Variants in CPT1B observed in about 807,000 individuals in gnomAD.
The protein encoded by CPT1B is carnitine palmitoyltransferase 1B, also known as carnitine O-palmitoyltransferase 1, muscle isoform.
CPT1B carries 57 observed loss-of-function variants against 92.7 expected under a neutral mutation model. The ratio of observed to expected loss-of-function variants is 0.62; its 90% confidence interval spans 0.50 to 0.77. The LOEUF (loss-of-function observed/expected upper bound fraction) is 0.77, where lower values mean the gene tolerates loss of function less well. Among genes scored for constraint, CPT1B ranks in the 30% least tolerant of loss-of-function variants. The pLI, the probability that CPT1B is intolerant of heterozygous loss-of-function variation, is 0.00. For missense variants in CPT1B, 983 were observed against 1,017.4 expected (o/e 0.97, Z 0.46); for synonymous variants, 398 against 383.5 (o/e 1.04, Z -0.44).
intron 7 of CPT1B, chr22:50,574,887 CA>C: frequency 5.3e-6 from 2 of 380,408 alleles, no homozygotes; most frequent in South Asian, 6.7e-5. Context: ...ACTGCAGCCT[CA>C]AATTACTCGC....
chr22:50,574,054 G>T (rs1365950048), intron 9 of CPT1B: 2 of 676,548 alleles, frequency 3.0e-6, no homozygotes, highest in East Asian at 5.5e-5. Flanking sequence ...CTCCTCTGCC[G>T]GCTCCATGGC....
At position 50,577,439 on chromosome 22, in the gene CPT1B, G is replaced by A. The variant is rs1349510936; in HGVS notation, c.166C>T (p.Pro56Ser). The A allele has an allele frequency of 1.9e-6, 3 of 1,613,810 alleles. No individual in the cohort carries two copies. Among genetic ancestry groups the A allele is most frequent in the Non-Finnish European group, 1.7e-6 (2 of 1,179,998 alleles). Reference protein sequence around the residue: ...IKNGILRGVYPGSPTSWLVVI... With the variant: ...IKNGILRGVYSGSPTSWLVVI... Reference sequence around the variant, plus strand: ...ACCAGCCAGCTGGTGGGGCTGCCAGGGTACACGCCCCTGAGGATGCCATTC... The same window carrying A: ...ACCAGCCAGCTGGTGGGGCTGCCAGAGTACACGCCCCTGAGGATGCCATTC... The change falls in exon 3 of 20, where the codon CCT (proline) becomes TCT (serine). Residue 56 changes from proline (P) to serine (S), a missense_variant. Physicochemically the swap from Pro to Ser is moderately conservative, Grantham distance 74. Coordinates refer to ENST00000312108, the MANE Select transcript of CPT1B (RefSeq NM_152246.3).
At position 50,572,937 on chromosome 22, in the gene CPT1B, G is replaced by A. The variant is rs774982593; in HGVS notation, c.1290C>T (p.Pro430=). Residue 430 remains proline, a synonymous_variant, in exon 11 of 20, where the codon CCC becomes CCT. Transcript: ENST00000312108. The stretch of plus-strand genomic sequence containing the variant: ...AGAGGCTGAGGCTGGCCTCATCTTC[G>A]GGGTCATAGGAGTAGGATTCCTCAT... ...ALDEESYSYD[P]EDEASLSLYG... 6.8e-5 allele frequency: 109 copies of A among 1,613,562 alleles called. No individual in the cohort carries two copies. The East Asian group carries it at 1.7e-3, about 25-fold the overall frequency.
rs1423058127 is a variant in CPT1B, at chr22:50,574,555, C to A, written c.823G>T (p.Gly275Ter). ...KNTDVQAARLGNIIHAMIMYR... is the reference protein window; with the variant it reads ...KNTDVQAARL ...ATGATCATGGCGTGGATGATGTTTC[C>A]CAGGCGGGCTGCCTGCACGTCTGTA... Residue 275 changes from glycine to a stop codon, truncating the protein, a stop_gained, in exon 8 of 20, where the codon GGA (glycine) becomes TGA (stop). Coordinates refer to ENST00000312108, the MANE Select transcript of CPT1B (RefSeq NM_152246.3). LOFTEE classifies it high-confidence loss of function. 4.3e-6 allele frequency: 7 copies of A among 1,614,092 alleles called. 1 individual carries two copies. In the South Asian group the frequency reaches 7.7e-5, roughly 18 times the overall value.
intron 8 of CPT1B, 26 bp downstream of exon 8, chr22:50,574,467 C>T (rs2070339947): frequency 6.2e-7 from 1 of 1,613,952 alleles, no homozygotes; most frequent in African/African-American, 1.3e-5. Context: ...CCCTCCCATC[C>T]CACCTTCAAC....
In CPT1B at chr22:50,577,440, G is replaced by T. The variant is rs765086648; in HGVS notation, c.165C>A (p.Tyr55Ter). The change falls in exon 3 of 20, where the codon TAC becomes TAA. Residue 55 changes from tyrosine (Y) to a stop codon, truncating the protein, a stop_gained. Coordinates refer to ENST00000312108, the MANE Select transcript of CPT1B (RefSeq NM_152246.3). LOFTEE classifies it high-confidence loss of function. ...CCAGCCAGCTGGTGGGGCTGCCAGG[G>T]TACACGCCCCTGAGGATGCCATTCT... ...RIKNGILRGV[Y>*]PGSPTSWLVV... 1 of 1,613,678 alleles carries T rather than the reference G, an allele frequency of 6.2e-7. No homozygotes were observed. The highest frequency in any genetic ancestry group is 1.3e-5 in the African/African-American group (1 of 74,948).
intron 16 of CPT1B, 123 bp downstream of exon 16, chr22:50,570,768 A>G: frequency 1.2e-5 from 16 of 1,346,936 alleles, no homozygotes; most frequent in Non-Finnish European, 1.5e-5. Flanking sequence ...AAGCTGGCCC[A>G]GCACTCCAGG....
At chr22:50,571,953 T>A (rs1191360779) in intron 13 of CPT1B, 53 bp downstream of exon 13, 2 of 1,535,424 alleles carry the variant, frequency 1.3e-6, no homozygotes, top group Non-Finnish European at 1.8e-6. Context: ...GTCGGGGCTG[T>A]ACCCACCTGC....
In CPT1B at chr22:50,573,428, CT is replaced by C; in HGVS notation, c.1166+91del. 1 of 1,186,534 alleles carries C rather than the reference CT, an allele frequency of 8.4e-7. No individual in the cohort carries two copies. The highest frequency in any genetic ancestry group is 1.2e-6 in the Non-Finnish European group (1 of 846,206). 73.5% of individuals were successfully genotyped at this position (1,186,534 alleles called of 1,614,324 possible). On this transcript the variant is annotated intron_variant, in intron 10 of 19. Transcript: ENST00000312108. The surrounding 1 kb of genome is among the most constrained non-coding windows in gnomAD (Gnocchi z 5.0). Reference sequence around the variant, plus strand: ...CCCCTCCCCTAGTTGTGCCTCCAGCCTCCAGTTCCAGGGTGGCAGGCAGGGC... The same window carrying C: ...CCCCTCCCCTAGTTGTGCCTCCAGCCCCAGTTCCAGGGTGGCAGGCAGGGC...
chr22:50,577,381 CAGA>C lies in CPT1B; in HGVS notation c.221_223del (p.Phe74del). The stretch of plus-strand genomic sequence containing the variant: ...CAGCCCCAAGGAGATGTCCACGTTG[CAGA>C]AGGAGGAACCCACTGTTGCCATGAT... On this transcript the variant is annotated inframe_deletion, in exon 3 of 20. Transcript: ENST00000312108. 4 of 1,613,984 alleles carry C rather than the reference CAGA, an allele frequency of 2.5e-6. No homozygotes were observed. The highest frequency in any genetic ancestry group is 3.4e-6 in the Non-Finnish European group (4 of 1,180,010).
At chr22:50,575,583 A>C (rs1190533607) in intron 7 of CPT1B, among the ~76,000 whole-genome samples, 1 of 152,214 alleles carries the variant, frequency 6.6e-6, no homozygotes, top group Non-Finnish European at 1.5e-5. Flanking sequence ...GGGCAGAGGC[A>C]GACTGACTTC....
In CPT1B at chr22:50,569,604, A is replaced by T; in HGVS notation, c.2207T>A (p.Ile736Asn). The T allele has an allele frequency of 6.2e-7, 1 of 1,613,994 alleles. No homozygotes were observed. Among genetic ancestry groups the T allele is most frequent in the Non-Finnish European group, 8.5e-7 (1 of 1,179,998 alleles). The stretch of plus-strand genomic sequence containing the variant: ...CTCTGAGCTTGAGAACTTGCTGGAG[A>T]TGTGGAAGAAGATCGTGTTCTCGCC... ...IAGENTIFFH[I>N]SSKFSSSETN... The change falls in exon 18 of 20, where the codon ATC (isoleucine) becomes AAC (asparagine). Residue 736 changes from isoleucine (I) to asparagine (N), a missense_variant. Ile to Asn is a moderately radical substitution (Grantham distance 149). Coordinates refer to ENST00000312108, the MANE Select transcript of CPT1B (RefSeq NM_152246.3).
At position 50,571,262 on chromosome 22, in the gene CPT1B, C is replaced by T; in HGVS notation, c.1771G>A (p.Ala591Thr). The T allele has an allele frequency of 1.2e-6, 2 of 1,613,984 alleles. No individual in the cohort carries two copies. The highest frequency in any genetic ancestry group is 1.7e-6 in the Non-Finnish European group (2 of 1,180,028). Residue 591 changes from alanine (A) to threonine (T), a missense_variant, in exon 15 of 20, where the codon GCC (alanine) becomes ACC (threonine). Ala to Thr is a moderately conservative substitution (Grantham distance 58). Coordinates refer to ENST00000312108, the MANE Select transcript of CPT1B (RefSeq NM_152246.3). Reference sequence around the variant, plus strand: ...TCCCGGAACATTCTGGTCATTGAGGCCTCATAGGTCAGGCAGAACTTACCC... The same window carrying T: ...TCCCGGAACATTCTGGTCATTGAGGTCTCATAGGTCAGGCAGAACTTACCC... The part of the protein sequence containing the change: ...DRGKFCLTYE[A>T]SMTRMFREGR...
intron 11 of CPT1B, 133 bp from the exon 12 acceptor site, chr22:50,572,441 G>A (rs971217900): frequency 1.6e-6 from 1 of 638,628 alleles, no homozygotes; most frequent in Non-Finnish European, 2.7e-6. Flanking sequence ...TTTTTAAATT[G>A]AGATGGAATC....
rs778133529 is a variant in CPT1B at position 50,574,484 on chromosome 22, G to A, written c.885+9C>T. 33 of 1,613,684 alleles carry A rather than the reference G, an allele frequency of 2.0e-5. No individual in the cohort carries two copies. Among genetic ancestry groups the A allele is most frequent in the Non-Finnish European group, 2.8e-5 (33 of 1,179,758 alleles). On this transcript the variant is annotated intron_variant, in intron 8 of 19. Transcript: ENST00000312108. ...CTCCCATCCCACCTTCAACCCTGACGCAACTCACAGGCTTGATTTCTTCAC... is the reference window on the plus strand; with the variant it reads ...CTCCCATCCCACCTTCAACCCTGACACAACTCACAGGCTTGATTTCTTCAC...
chr22:50,577,985 C>T, intron 1 of CPT1B, 51 bp from the exon 2 acceptor site: 4 of 1,405,294 alleles, frequency 2.8e-6, no homozygotes, highest in Non-Finnish European at 3.8e-6. Context: ...GGCCCCGCCG[C>T]CAGCCGCGCC....
intron 16 of CPT1B, 67 bp downstream of exon 16, chr22:50,570,824 G>A (rs967571946): frequency 6.4e-7 from 1 of 1,569,412 alleles, no homozygotes; most frequent in Non-Finnish European, 8.7e-7. Flanking sequence ...GCTCCATCAT[G>A]AGATGGCCCA....
intron 17 of CPT1B, among the ~76,000 whole-genome samples, chr22:50,570,067 C>T (rs12160794): frequency 0.057 from 8,662 of 152,304 alleles, 264 homozygotes; most frequent in Non-Finnish European, 0.066. Flanking sequence ...CTTCAGTACC[C>T]CGGAAACCAC....
rs977337215 is a variant in CPT1B at position 50,577,039 on chromosome 22, T to A, written c.282-5A>T. The A allele has an allele frequency of 6.2e-7, 1 of 1,613,404 alleles. No homozygotes were observed. Among genetic ancestry groups the A allele is most frequent in the African/African-American group, 1.3e-5 (1 of 74,866 alleles). ...GGGGTCTGGTAGGGGCCACACCTAT[T>A]GGAGAGGGGCAAGGGCTGCAGGGGG... On this transcript the variant is annotated splice_region_variant and splice_polypyrimidine_tract_variant and intron_variant, in intron 3 of 19. Coordinates refer to ENST00000312108, the MANE Select transcript of CPT1B (RefSeq NM_152246.3).
Sources: allele counts gnomAD v4.1 joint callset (sites outside exome capture counted in the v4.1 genomes callset), GRCh38; gene constraint gnomAD v4.1.1; non-coding constraint Gnocchi (gnomAD v3.1); transcripts MANE v1.5; gene names NCBI Gene and HGNC (gene_info 2026-07-23, HGNC 2026-07-21).